Variants in PLAT observed in about 807,000 individuals in gnomAD.
The protein encoded by PLAT is tissue-type plasminogen activator.
A neutral mutation model predicts 74.9 loss-of-function variants in PLAT; 48 were observed. The ratio of observed to expected loss-of-function variants is 0.64; its 90% confidence interval spans 0.51 to 0.82. The LOEUF is 0.82. Among genes scored for constraint, PLAT ranks in the 40% least tolerant of loss-of-function variants. The pLI, the probability that PLAT is intolerant of heterozygous loss-of-function variation, is 0.00. For synonymous variants in PLAT, 307 were observed against 294.4 expected, an observed-to-expected ratio of 1.04 and a Z score of -0.44; for missense variants, 673 against 736.2, an observed-to-expected ratio of 0.91 and a Z score of 0.99.
chr8:42,200,172 C>T (rs577488064), intron 1 of PLAT, among the ~76,000 whole-genome samples: 1 of 152,278 alleles, frequency 6.6e-6, no homozygotes, highest in South Asian at 2.1e-4. Context: ...TTTACTAAAC[C>T]CTTTCACATC....
intron 2 of PLAT, among the ~76,000 whole-genome samples, chr8:42,191,876 C>T (rs558572441): frequency 6.6e-6 from 1 of 151,996 alleles, no homozygotes; most frequent in Non-Finnish European, 1.5e-5. Flanking sequence ...GTTTGGACTT[C>T]CGTGAGGCCC....
At position 42,180,240 on chromosome 8, in the gene PLAT, A is replaced by G; in HGVS notation, c.1222+2T>C. ...CTGGAGCCGGGAATGACGAGCTCTT[A>G]CCAATGTCATTGTCGTAAGTGTCAT... On this transcript the variant is annotated splice_donor_variant, in intron 11 of 13. Transcript: ENST00000220809. LOFTEE classifies it high-confidence loss of function. 6.2e-7 allele frequency: 1 copy of G among 1,614,184 alleles called. No homozygotes were observed. The highest frequency in any genetic ancestry group is 8.5e-7 in the Non-Finnish European group (1 of 1,180,006).
At chr8:42,204,845 CTG>C (rs1306225121) in intron 1 of PLAT, among the ~76,000 whole-genome samples, 1 of 151,896 alleles carries the variant, frequency 6.6e-6, no homozygotes, top group African/African-American at 2.4e-5. Flanking sequence ...TGGTGAAACC[CTG>C]TCTCTACTAA....
chr8:42,175,900 A>G lies in PLAT; in HGVS notation c.*93T>C, dbSNP rs1587923938. ...CGCTTCTGCGGTGTGGTGGGTCTGG[A>G]GAAGTCTGTAGAGAAGCACTGCGCC... is the stretch of plus-strand genomic sequence containing the variant. On this transcript the variant is annotated 3_prime_UTR_variant, in exon 14 of 14. Transcript: ENST00000220809. 1 of 1,268,650 alleles carries G rather than the reference A, an allele frequency of 7.9e-7. No individual in the cohort carries two copies. Among genetic ancestry groups the G allele is most frequent in the Non-Finnish European group, 1.1e-6 (1 of 887,388 alleles). 78.6% of individuals were successfully genotyped at this position (1,268,650 alleles called of 1,614,324 possible).
intron 1 of PLAT, among the ~76,000 whole-genome samples, chr8:42,193,929 T>C (rs1489814561): frequency 6.6e-6 from 1 of 152,020 alleles, no homozygotes; most frequent in Non-Finnish European, 1.5e-5. Context: ...TTAGCCAGGA[T>C]GGTCTCGATC....
Position 42,187,524 on chromosome 8 carries a change from G to C in PLAT, c.413C>G (p.Thr138Arg). 1 of 1,611,164 alleles carries C rather than the reference G, an allele frequency of 6.2e-7. No individual in the cohort carries two copies. Among genetic ancestry groups the C allele is most frequent in the Non-Finnish European group, 8.5e-7 (1 of 1,179,074 alleles). Residue 138 changes from threonine to arginine, a missense_variant, in exon 6 of 14, where the codon ACG becomes AGG. Thr to Arg is a moderately conservative substitution (Grantham distance 71). Transcript: ENST00000220809. Reference protein sequence around the residue: ...YEDQGISYRGTWSTAESGAEC... With the variant: ...YEDQGISYRGRWSTAESGAEC... The stretch of plus-strand genomic sequence containing the variant: ...GGCGCCACTCTCCGCTGTGCTCCAC[G>C]TGCCCCTGTAGCTGATGCCCTGGTC...
rs1247628545 is a variant in PLAT at position 42,180,153 on chromosome 8, A to AG, written c.1222+88dup. On this transcript the variant is annotated intron_variant, in intron 11 of 13. Transcript: ENST00000220809. ...ACGCAGGAGGGGCAGGGGCTGGAGGAGGAGGCCCGTGTGTGTAAACATAGG... is the reference window on the plus strand; with the variant it reads ...ACGCAGGAGGGGCAGGGGCTGGAGGAGGGAGGCCCGTGTGTGTAAACATAGG... 1.1e-5 allele frequency: 17 copies of AG among 1,587,866 alleles called. No homozygotes were observed. The Middle Eastern group carries it at 5.2e-4, about 48-fold the overall frequency.
Position 42,189,713 on chromosome 8 carries a change from C to T in PLAT, c.116-642G>A, listed in dbSNP as rs184136075. 3.3e-3 allele frequency among the ~76,000 whole-genome samples: 503 copies of T among 150,276 alleles called. 7 individuals carry two copies. The highest frequency in any genetic ancestry group is 0.012 in the African/African-American group (476 of 41,006). On this transcript the variant is annotated intron_variant, in intron 3 of 13. Transcript: ENST00000220809. Reference sequence around the variant, plus strand: ...TCCTGGGTTCAAGTGATTCTCCTGCCTCAGCCTCCCGAGTAGCTGGGATTA... The same window carrying T: ...TCCTGGGTTCAAGTGATTCTCCTGCTTCAGCCTCCCGAGTAGCTGGGATTA...
chr8:42,182,675 C>A, intron 8 of PLAT, 44 bp downstream of exon 8: 1 of 1,479,992 alleles, frequency 6.8e-7, no homozygotes, highest in South Asian at 1.3e-5. Flanking sequence ...ACCCTAATCC[C>A]ACGTTCTGCC....
chr8:42,178,944 C>G lies in PLAT; in HGVS notation c.1483G>C (p.Asp495His). The G allele has an allele frequency of 1.2e-6, 2 of 1,614,106 alleles. No individual in the cohort carries two copies. Among genetic ancestry groups the G allele is most frequent in the African/African-American group, 1.3e-5 (1 of 75,058 alleles). ...GCCTGGGGCCCGCCGCTCCGAGTGT[C>G]TCCAGCACACAGCATGTTGTCGGTG... ...TVTDNMLCAG[D>H]TRSGGPQANL... The change falls in exon 13 of 14, where the codon GAC (aspartate) becomes CAC (histidine). Residue 495 changes from aspartate (D) to histidine (H), a missense_variant. Physicochemically the swap from Asp to His is moderately conservative, Grantham distance 81 (BLOSUM62 -1). Coordinates refer to ENST00000220809, the MANE Select transcript of PLAT (RefSeq NM_000930.5).
intron 1 of PLAT, 35 bp downstream of exon 1, chr8:42,207,459 G>A (rs1563267271): frequency 1.3e-5 from 2 of 152,160 alleles, no homozygotes; most frequent in African/African-American, 2.4e-5. Context: ...AGAAAGAAGA[G>A]GAGACAGACC....
At chr8:42,190,218 G>C (rs574670648) in intron 3 of PLAT, among the ~76,000 whole-genome samples, 1 of 152,254 alleles carries the variant, frequency 6.6e-6, no homozygotes, top group Middle Eastern at 3.4e-3. Flanking sequence ...ACAGATGTGA[G>C]CCATTGCACC....
intron 1 of PLAT, chr8:42,193,474 C>T (rs8178882): frequency 0.073 from 21,512 of 295,444 alleles, 983 homozygotes; most frequent in Middle Eastern, 0.095. Context: ...GCTGTGCGGC[C>T]GGCCGTCACC....
Position 42,183,891 on chromosome 8 carries a change from T to C in PLAT, c.632-1001A>G, listed in dbSNP as rs546968459. 2.4e-4 allele frequency among the ~76,000 whole-genome samples: 36 copies of C among 152,046 alleles called. No homozygotes were observed. The South Asian group carries it at 7.1e-3, about 30-fold the overall frequency. ...CTGGTGCGTGTTTATATATATCATA[T>C]ATAAATTTAATATATGTGTATTACA... On this transcript the variant is annotated intron_variant, in intron 7 of 13. Coordinates refer to ENST00000220809, the MANE Select transcript of PLAT (RefSeq NM_000930.5).
In PLAT at chr8:42,180,479, C is replaced by T. The variant is rs199922180; in HGVS notation, c.1085+11G>A. On this transcript the variant is annotated intron_variant, in intron 10 of 13. Coordinates refer to ENST00000220809, the MANE Select transcript of PLAT (RefSeq NM_000930.5). ...AGGGTGGAAAAACCAACTGGGTTTC[C>T]GAGCCCCTACCTCTCCTGGAAGCAG... is the stretch of plus-strand genomic sequence containing the variant. 15 of 1,613,868 alleles carry T rather than the reference C, an allele frequency of 9.3e-6. No individual in the cohort carries two copies. The highest frequency in any genetic ancestry group is 5.0e-5 in the Admixed American group (3 of 60,030).
At chr8:42,196,112 T>C (rs8178716) in intron 1 of PLAT, among the ~76,000 whole-genome samples, 10,042 of 152,284 alleles carry the variant, frequency 0.066, 422 homozygotes, top group Non-Finnish European at 0.089. Flanking sequence ...ATGGACATGT[T>C]GGCATTGCCT....
intron 1 of PLAT, among the ~76,000 whole-genome samples, chr8:42,200,267 A>C (rs2027793): frequency 6.6e-6 from 1 of 152,202 alleles, no homozygotes; most frequent in Non-Finnish European, 1.5e-5. Flanking sequence ...GGCTGAGAGC[A>C]GTGGCTCACG....
chr8:42,206,118 T>C (rs1400377490), intron 1 of PLAT, among the ~76,000 whole-genome samples: 2 of 152,140 alleles, frequency 1.3e-5, no homozygotes, highest in African/African-American at 4.8e-5. Flanking sequence ...CGCGAGTCAT[T>C]GTGAAATAAA....
chr8:42,194,241 A>AGAGAGAGAGAGAGAGAGAGAGT (rs1419569830), intron 1 of PLAT, among the ~76,000 whole-genome samples: 47 of 52,560 alleles, frequency 8.9e-4, no homozygotes, highest in African/African-American at 3.2e-3. Flanking sequence ...AGAGAGAGAG[A>AGAGAGAGAGAGAGAGAGAGAGT]GTGTGTGTGT....
Sources: gnomAD v4.1 joint callset for allele counts (sites outside exome capture counted in the v4.1 genomes callset) on GRCh38, gnomAD v4.1.1 for gene constraint, MANE v1.5 for transcripts, NCBI Gene and HGNC (gene_info 2026-07-23, HGNC 2026-07-21) for gene names.